C2CD3: variants seen among roughly 807,000 people sequenced by gnomAD.
C2CD3 encodes the protein C2 domain containing 3 centriole elongation regulator.
C2CD3 carries 148 observed loss-of-function variants against 234.0 expected under a neutral mutation model. That is an observed-to-expected ratio of 0.63 (90% CI 0.55 to 0.72). The LOEUF is 0.72. Among genes scored for constraint, C2CD3 ranks in the 30% least tolerant of loss-of-function variants. The pLI is 0.00. For missense variants in C2CD3, 2,577 were observed against 2,811.5 expected (o/e 0.92, Z 1.89); for synonymous variants, 1,000 against 1,035.4 (o/e 0.97, Z 0.66).
chr11:74,028,496 GT>G, intron 31 of C2CD3, 98 bp from the exon 32 acceptor site: 1 of 729,712 alleles, frequency 1.4e-6, no homozygotes, highest in Non-Finnish European at 2.2e-6. Context: ...CCCCACTCAT[GT>G]TTTTCCCTCA....
intron 7 of C2CD3, among the ~76,000 whole-genome samples, chr11:74,123,357 T>A (rs1957287689): frequency 6.6e-6 from 1 of 152,232 alleles, no homozygotes; most frequent in Non-Finnish European, 1.5e-5. Flanking sequence ...TGACACTGAT[T>A]GTGATCTCAT....
Position 74,166,430 on chromosome 11 carries a change from T to A in C2CD3, c.325+1914A>T, listed in dbSNP as rs546463759. On this transcript the variant is annotated intron_variant, in intron 2 of 32. Transcript: ENST00000334126. ...CTTTTCCATGGCCTTCTTTCTTAAC[T>A]AGAATTATGAAATTTGGGTGCTGGC... Among the ~76,000 whole-genome samples, 3 of 152,244 alleles carry A rather than the reference T, an allele frequency of 2.0e-5. No individual in the cohort carries two copies. The South Asian group carries it at 6.2e-4, about 32-fold the overall frequency.
Position 74,132,903 on chromosome 11 carries a change from A to T in C2CD3, c.1158T>A (p.Asn386Lys). 6.2e-7 allele frequency: 1 copy of T among 1,613,822 alleles called. No homozygotes were observed. Among genetic ancestry groups the T allele is most frequent in the African/African-American group, 1.3e-5 (1 of 75,056 alleles). The stretch of plus-strand genomic sequence containing the variant: ...CTTTTGTGTCATGTCTCCAAAATGT[A>T]TTCTCAGTTGAAGGGAGGAGGTGAT... ...IEDHLLPSTE[N>K]TFWRHDTKAD... Residue 386 changes from asparagine to lysine, a missense_variant, in exon 7 of 33, where the codon AAT becomes AAA. Transcript: ENST00000334126.
intron 14 of C2CD3, among the ~76,000 whole-genome samples, chr11:74,102,345 T>C (rs1956346845): frequency 6.6e-6 from 1 of 152,210 alleles, no homozygotes; most frequent in South Asian, 2.1e-4. Flanking sequence ...ATGTGTTAGG[T>C]GCCAAGTGTA....
Position 74,033,633 on chromosome 11 carries a change from G to A in C2CD3, c.6527C>T (p.Pro2176Leu), listed in dbSNP as rs1355456680. Residue 2176 changes from proline to leucine, a missense_variant, in exon 31 of 33, where the codon CCA becomes CTA. Coordinates refer to ENST00000334126, the MANE Select transcript of C2CD3 (RefSeq NM_001286577.2). The part of the protein sequence containing the change: ...ESASANPQPI[P>L]CPTLSGAQQS... ...TTGAGCTCCTGAGAGTGTTGGGCATGGGATGGGCTGAGGGTTGGCTGAGGC... is the reference window on the plus strand; with the variant it reads ...TTGAGCTCCTGAGAGTGTTGGGCATAGGATGGGCTGAGGGTTGGCTGAGGC... 2.0e-6 allele frequency: 3 copies of A among 1,536,022 alleles called. No homozygotes were observed. The highest frequency in any genetic ancestry group is 2.7e-5 in the African/African-American group (2 of 73,012).
At chr11:74,093,355 T>C (rs951507014) in intron 18 of C2CD3, among the ~76,000 whole-genome samples, 1 of 147,878 alleles carries the variant, frequency 6.8e-6, no homozygotes, top group East Asian at 1.9e-4. Context: ...TATATATAAA[T>C]TATATTATTA....
At chr11:74,156,377 G>T (rs1231360820) in intron 3 of C2CD3, among the ~76,000 whole-genome samples, 1 of 150,052 alleles carries the variant, frequency 6.7e-6, no homozygotes, top group Non-Finnish European at 1.5e-5. Context: ...TAGGAGGATT[G>T]CTGGAGCCCA....
intron 26 of C2CD3, among the ~76,000 whole-genome samples, chr11:74,052,437 G>C (rs1953741282): frequency 6.6e-6 from 1 of 152,118 alleles, no homozygotes; most frequent in Admixed American, 6.5e-5. Context: ...TTTAATTCGG[G>C]CCACATAGTT....
At chr11:74,150,291 A>G (rs764293702) in intron 3 of C2CD3, among the ~76,000 whole-genome samples, 4 of 151,802 alleles carry the variant, frequency 2.6e-5, no homozygotes, top group South Asian at 2.1e-4. Flanking sequence ...AGCCTGGCCA[A>G]CAAGGTGAAA....
chr11:74,039,421 T>C (rs934710784), intron 29 of C2CD3, among the ~76,000 whole-genome samples: 1 of 152,208 alleles, frequency 6.6e-6, no homozygotes, highest in African/African-American at 2.4e-5. Flanking sequence ...TTCCTCTAGA[T>C]AGTAGTTCTG....
chr11:74,066,129 G>A (rs2135450961), intron 24 of C2CD3, among the ~76,000 whole-genome samples: 1 of 151,248 alleles, frequency 6.6e-6, no homozygotes, highest in East Asian at 2.0e-4. Context: ...AAGAAAGGAT[G>A]AGTTCGTGTC....
chr11:74,151,388 G>A (rs1337656130), intron 3 of C2CD3, among the ~76,000 whole-genome samples: 1 of 151,880 alleles, frequency 6.6e-6, no homozygotes, highest in Non-Finnish European at 1.5e-5. Context: ...CATGATCTCG[G>A]CCCACTGCAA....
At chr11:74,168,732 C>A in intron 1 of C2CD3, 119 bp from the exon 2 acceptor site, 1 of 881,798 alleles carries the variant, frequency 1.1e-6, no homozygotes, top group South Asian at 1.7e-5. Context: ...AATTTATCAC[C>A]ACTTAGAAAG....
At position 74,022,518 on chromosome 11, in the gene C2CD3, T is replaced by C. The variant is rs1952133076; in HGVS notation, c.6921+5769A>G. On this transcript the variant is annotated intron_variant, in intron 32 of 32. Coordinates refer to ENST00000334126, the MANE Select transcript of C2CD3 (RefSeq NM_001286577.2). ...GATTTGAGAGTCATTCAAAGTCATA[T>C]TTGAAGTCATCAGAGTGATTGAGAT... Among the ~76,000 whole-genome samples, 11 of 152,278 alleles carry C rather than the reference T, an allele frequency of 7.2e-5. No individual in the cohort carries two copies. In the South Asian group the frequency reaches 2.3e-3, roughly 32 times the overall value.
At chr11:74,085,419 G>T in intron 21 of C2CD3, 199 bp downstream of exon 21, 1 of 574,410 alleles carries the variant, frequency 1.7e-6, no homozygotes. Context: ...TGACACATTT[G>T]CTTTATTTCT....
At chr11:74,163,791 T>C (rs770955162) in intron 2 of C2CD3, among the ~76,000 whole-genome samples, 2 of 152,204 alleles carry the variant, frequency 1.3e-5, no homozygotes, top group Non-Finnish European at 2.9e-5. Context: ...ATGGGGGTTA[T>C]CTGAAAGTCA....
At chr11:74,136,299 C>T (rs1257089061) in intron 5 of C2CD3, among the ~76,000 whole-genome samples, 2 of 152,116 alleles carry the variant, frequency 1.3e-5, no homozygotes, top group Non-Finnish European at 2.9e-5. Context: ...CTTGTTTTAC[C>T]TTTAAATCCA....
In C2CD3 at chr11:74,026,791, A is replaced by C. The variant is rs189947650; in HGVS notation, c.6921+1496T>G. On this transcript the variant is annotated intron_variant, in intron 32 of 32. Coordinates refer to ENST00000334126, the MANE Select transcript of C2CD3 (RefSeq NM_001286577.2). Reference sequence around the variant, plus strand: ...GAGACCATCCTGGCCAACATGGTGAAACCCTGTCTCTACTAAAAATACAAA... The same window carrying C: ...GAGACCATCCTGGCCAACATGGTGACACCCTGTCTCTACTAAAAATACAAA... Among the ~76,000 whole-genome samples, 262 of 151,956 alleles carry C rather than the reference A, an allele frequency of 1.7e-3. 1 individual carries two copies. The highest frequency in any genetic ancestry group is 6.0e-3 in the African/African-American group (248 of 41,444).
intron 3 of C2CD3, among the ~76,000 whole-genome samples, chr11:74,141,878 T>C (rs1958060102): frequency 6.6e-6 from 1 of 151,714 alleles, no homozygotes; most frequent in African/African-American, 2.4e-5. Context: ...GCATGTACCT[T>C]GAAGTCCTAG....
Sources: allele counts gnomAD v4.1 joint callset (sites outside exome capture counted in the v4.1 genomes callset), GRCh38; gene constraint gnomAD v4.1.1; transcripts MANE v1.5; gene names NCBI Gene and HGNC (gene_info 2026-07-23, HGNC 2026-07-21).